Variants in PDE1C observed in about 807,000 individuals in gnomAD.
The protein encoded by PDE1C is phosphodiesterase 1C, also known as dual specificity calcium/calmodulin-dependent 3',5'-cyclic nucleotide phosphodiesterase 1C.
In PDE1C, 62 loss-of-function variants were observed where a neutral mutation model predicts 93.1. That is an observed-to-expected ratio of 0.67 (90% CI 0.54 to 0.82). PDE1C has a LOEUF of 0.82. Among genes scored for constraint, PDE1C ranks in the 40% least tolerant of loss-of-function variants. The pLI, the probability that PDE1C is intolerant of heterozygous loss-of-function variation, is 0.00. For synonymous variants in PDE1C, 325 were observed against 310.1 expected (o/e 1.05, Z -0.50); for missense variants, 742 against 884.6 (o/e 0.84, Z 2.04).
the PDE1C span, among the ~76,000 whole-genome samples, chr7:31,684,079 A>G: frequency 6.6e-6 from 1 of 152,196 alleles, no homozygotes; most frequent in African/African-American, 2.4e-5. Context: ...TCTCCAAGGT[A>G]TAGATTTACA....
intron 2 of PDE1C, among the ~76,000 whole-genome samples, chr7:32,027,607 T>TAAAAAAAAAAAAAAAAAAAA (rs551660766): frequency 2.5e-5 from 2 of 78,540 alleles, no homozygotes; most frequent in African/African-American, 1.2e-4. Context: ...TCAAAAATGG[T>TAAAAAAAAAAAAAAAAAAAA]AAAAAAAAAA....
intron 3 of PDE1C, among the ~76,000 whole-genome samples, chr7:32,077,015 T>C (rs1251183336): frequency 6.6e-6 from 1 of 151,264 alleles, no homozygotes; most frequent in African/African-American, 2.4e-5. Context: ...GGCAGGCAGA[T>C]TGCCTGAGGT....
the PDE1C span, among the ~76,000 whole-genome samples, chr7:31,622,900 A>T: frequency 6.6e-6 from 1 of 152,034 alleles, no homozygotes; most frequent in Non-Finnish European, 1.5e-5. Context: ...TCAAATAGAC[A>T]CAATAAAAAA....
intron 1 of PDE1C, among the ~76,000 whole-genome samples, chr7:32,372,706 T>C (rs1454396278): frequency 6.6e-6 from 1 of 152,074 alleles, no homozygotes; most frequent in East Asian, 1.9e-4. Flanking sequence ...TATTTACAAA[T>C]CACACATCTG....
rs189117161 is a variant in PDE1C, at chr7:32,206,452, C to T, written c.136+3037G>A. ...AGAGGAGGGTTTTTAGGGCCTGGCA[C>T]TGGAGGGCAGCTTCACCAGCATCCC... On this transcript the variant is annotated intron_variant, in intron 2 of 18. Coordinates refer to the PDE1C transcript ENST00000396193. Among the ~76,000 whole-genome samples, 438 of 152,202 alleles carry T rather than the reference C, an allele frequency of 2.9e-3. 1 individual carries two copies. The highest frequency in any genetic ancestry group is 9.8e-3 in the African/African-American group (408 of 41,526).
intron 2 of PDE1C, among the ~76,000 whole-genome samples, chr7:32,004,712 C>T (rs1303831928): frequency 6.6e-6 from 1 of 152,200 alleles, no homozygotes; most frequent in Non-Finnish European, 1.5e-5. Context: ...AACCTAAATC[C>T]AATATGCTCT....
chr7:31,730,181 C>T, the PDE1C span, among the ~76,000 whole-genome samples: 3 of 152,152 alleles, frequency 2.0e-5, no homozygotes, highest in Admixed American at 6.5e-5. Flanking sequence ...TAGCTGCGAA[C>T]GTGTTTACAC....
chr7:31,789,968 T>C, intron 16 of PDE1C: 1 of 1,231,882 alleles, frequency 8.1e-7, no homozygotes, highest in Non-Finnish European at 1.0e-6. Flanking sequence ...CTTCATGTTT[T>C]GTTTCTGTTT....
the PDE1C span, chr7:31,707,286 A>G: frequency 6.2e-7 from 1 of 1,612,392 alleles, no homozygotes; most frequent in South Asian, 1.1e-5. Context: ...CTATTTAAAG[A>G]TAGTTCCCCT....
At chr7:32,065,762 T>G (rs1203023347) in intron 1 of PDE1C, among the ~76,000 whole-genome samples, 2 of 152,244 alleles carry the variant, frequency 1.3e-5, no homozygotes, top group African/African-American at 4.8e-5. Flanking sequence ...CAGGCTTTGT[T>G]GCCTATGGCT....
At chr7:32,067,087 A>C (rs1795491781) in intron 1 of PDE1C, among the ~76,000 whole-genome samples, 2 of 152,188 alleles carry the variant, frequency 1.3e-5, no homozygotes, top group African/African-American at 2.4e-5. Context: ...CGCCATCATC[A>C]TAACAGACAC....
chr7:31,760,333 A>G (rs1183685934), intron 17 of PDE1C, among the ~76,000 whole-genome samples: 1 of 152,210 alleles, frequency 6.6e-6, no homozygotes, highest in African/African-American at 2.4e-5. Flanking sequence ...GTATCACACT[A>G]TATCAAGTCA....
At chr7:32,173,228 G>A (rs1002867757) in intron 2 of PDE1C, among the ~76,000 whole-genome samples, 4 of 152,116 alleles carry the variant, frequency 2.6e-5, no homozygotes, top group Admixed American at 1.3e-4. Context: ...GGGTGAAGCC[G>A]GAAGCTATCA....
chr7:31,726,091 T>C, the PDE1C span, among the ~76,000 whole-genome samples: 1 of 152,216 alleles, frequency 6.6e-6, no homozygotes, highest in Admixed American at 6.5e-5. Context: ...TTTATAGAAA[T>C]AGGGTCTCAC....
chr7:31,912,110 C>T (rs995514565), intron 2 of PDE1C, among the ~76,000 whole-genome samples: 5 of 152,124 alleles, frequency 3.3e-5, no homozygotes, highest in Non-Finnish European at 7.3e-5. Context: ...GTGATGTTAA[C>T]AGACCAAATT....
the PDE1C span, chr7:31,652,927 C>G: frequency 1.2e-5 from 18 of 1,525,436 alleles, no homozygotes; most frequent in South Asian, 2.4e-4. Context: ...GGTCTGCCAA[C>G]CCATTGTCAG....
At chr7:31,855,495 T>C (rs996900689) in intron 7 of PDE1C, among the ~76,000 whole-genome samples, 1 of 152,036 alleles carries the variant, frequency 6.6e-6, no homozygotes, top group Non-Finnish European at 1.5e-5. Context: ...ATGTAACATA[T>C]TAATAAACAC....
At chr7:31,985,418 T>C (rs1344335389) in intron 2 of PDE1C, among the ~76,000 whole-genome samples, 1 of 152,120 alleles carries the variant, frequency 6.6e-6, no homozygotes, top group African/African-American at 2.4e-5. Context: ...ACGTTTTTTA[T>C]TATTTATTTA....
intron 1 of PDE1C, among the ~76,000 whole-genome samples, chr7:32,367,913 A>G (rs1186661488): frequency 6.6e-6 from 1 of 152,116 alleles, no homozygotes; most frequent in Non-Finnish European, 1.5e-5. Flanking sequence ...ACTGCACTCC[A>G]GCCTGGATGA....
Sources: gnomAD v4.1 joint callset for allele counts (sites outside exome capture counted in the v4.1 genomes callset) on GRCh38, gnomAD v4.1.1 for gene constraint, MANE v1.5 for transcripts, NCBI Gene and HGNC (gene_info 2026-07-23, HGNC 2026-07-21) for gene names.